AMBRA1: variants seen among roughly 807,000 people sequenced by gnomAD.
The protein encoded by AMBRA1 is autophagy and beclin 1 regulator 1.
In AMBRA1, 47 loss-of-function variants were observed where a neutral mutation model predicts 125.4. That is an observed-to-expected ratio of 0.37 (90% CI 0.30 to 0.48). The LOEUF is 0.48. Among genes scored for constraint, AMBRA1 ranks in the 20% least tolerant of loss-of-function variants. The pLI, the probability that AMBRA1 is intolerant of heterozygous loss-of-function variation, is 0.99. For missense variants in AMBRA1, 1,331 were observed against 1,693.4 expected, an observed-to-expected ratio of 0.79 and a Z score of 3.76; for synonymous variants, 626 against 655.5, an observed-to-expected ratio of 0.95 and a Z score of 0.69.
chr11:46,485,077 A>G (rs1950219711), intron 11 of AMBRA1, among the ~76,000 whole-genome samples: 1 of 152,096 alleles, frequency 6.6e-6, no homozygotes, highest in Non-Finnish European at 1.5e-5. Flanking sequence ...AGCTGGGATT[A>G]CAGGCACCTG....
intron 11 of AMBRA1, among the ~76,000 whole-genome samples, chr11:46,464,559 T>C (rs1949240674): frequency 6.6e-6 from 1 of 152,102 alleles, no homozygotes; most frequent in African/African-American, 2.4e-5. Context: ...AAATTGTGCA[T>C]GTGTTCATGA....
chr11:46,512,948 C>G, intron 7 of AMBRA1, 135 bp from the exon 8 acceptor site: 1 of 693,786 alleles, frequency 1.4e-6, no homozygotes, highest in Non-Finnish European at 2.3e-6. Context: ...GGGATCACAC[C>G]CTTCTACAAG....
chr11:46,529,039 T>G (rs1952102004), intron 7 of AMBRA1, among the ~76,000 whole-genome samples: 1 of 152,166 alleles, frequency 6.6e-6, no homozygotes, highest in Non-Finnish European at 1.5e-5. Context: ...AGCCTCTGAT[T>G]CCTTTATTAT....
chr11:46,558,584 A>T (rs990147502), intron 1 of AMBRA1, among the ~76,000 whole-genome samples: 1 of 148,756 alleles, frequency 6.7e-6, no homozygotes, highest in Non-Finnish European at 1.5e-5. Flanking sequence ...ACCACTACCT[A>T]CCTAGTATCT....
intron 7 of AMBRA1, among the ~76,000 whole-genome samples, chr11:46,526,391 G>C (rs985601194): frequency 6.6e-6 from 1 of 151,892 alleles, no homozygotes; most frequent in Non-Finnish European, 1.5e-5. Flanking sequence ...AATGCAGCAA[G>C]CTGTGCCAAT....
rs903582953 is a variant in AMBRA1, at chr11:46,429,144, T to C, written c.2976+4330A>G. 9 of 1,589,026 alleles carry C rather than the reference T, an allele frequency of 5.7e-6. No individual in the cohort carries two copies. In the African/African-American group the frequency reaches 1.1e-4, roughly 19 times the overall value. Reference sequence around the variant, plus strand: ...ATGGCAATCCGGTTCTTCTTAGGCATCAACATCTGGCAGGTCTCCGCCACG... The same window carrying C: ...ATGGCAATCCGGTTCTTCTTAGGCACCAACATCTGGCAGGTCTCCGCCACG... On this transcript the variant is annotated intron_variant, in intron 14 of 17. Transcript: ENST00000683756.
At chr11:46,575,507 CT>C (rs2043928012) in intron 1 of AMBRA1, among the ~76,000 whole-genome samples, 1 of 128,614 alleles carries the variant, frequency 7.8e-6, no homozygotes, top group South Asian at 2.5e-4. Flanking sequence ...TTGTTTTTTT[CT>C]TTCCTTTTTT....
intron 11 of AMBRA1, among the ~76,000 whole-genome samples, chr11:46,489,679 G>C (rs1020832939): frequency 1.3e-5 from 2 of 152,150 alleles, no homozygotes; most frequent in African/African-American, 4.8e-5. Context: ...AAAAGATTAT[G>C]CAGGACAGAC....
Position 46,515,062 on chromosome 11 carries a change from C to T in AMBRA1, c.2073-2249G>A, listed in dbSNP as rs189412300. Among the ~76,000 whole-genome samples the T allele has an allele frequency of 2.3e-3, 351 of 152,254 alleles. 6 individuals are homozygous for T. The highest frequency in any genetic ancestry group is 0.015 in the Admixed American group (236 of 15,296). On this transcript the variant is annotated intron_variant, in intron 7 of 17. Transcript: ENST00000683756. ...ATCCTAGAATACCTAGAAGCTTGTT[C>T]CACCCTAAAGTGCTCTGGAGTTAGT...
chr11:46,499,227 T>C (rs141000470), intron 9 of AMBRA1, among the ~76,000 whole-genome samples: 2 of 152,346 alleles, frequency 1.3e-5, no homozygotes, highest in Admixed American at 6.5e-5. Context: ...CACATTCCTA[T>C]TGTGCATTTT....
intron 15 of AMBRA1, among the ~76,000 whole-genome samples, chr11:46,412,431 TGCCTCACCAC>T (rs1400712085): frequency 6.6e-6 from 1 of 152,088 alleles, no homozygotes; most frequent in Non-Finnish European, 1.5e-5. Flanking sequence ...ACTACAGGCG[TGCCTCACCAC>T]GCCTGGCTAA....
chr11:46,443,370 T>C, intron 12 of AMBRA1, 118 bp downstream of exon 12: 1 of 732,010 alleles, frequency 1.4e-6, no homozygotes, highest in Admixed American at 2.2e-5. Flanking sequence ...AGAAATGGCA[T>C]GTAGATAACA....
chr11:46,457,876 A>G (rs1948921710), intron 11 of AMBRA1, among the ~76,000 whole-genome samples: 1 of 150,764 alleles, frequency 6.6e-6, no homozygotes, highest in African/African-American at 2.5e-5. Flanking sequence ...ACTGCACTCC[A>G]GCCTGCGTGA....
At chr11:46,557,074 T>G (rs2043177177) in intron 1 of AMBRA1, among the ~76,000 whole-genome samples, 1 of 149,038 alleles carries the variant, frequency 6.7e-6, no homozygotes. Flanking sequence ...AGGTGGAAGT[T>G]GTGGTGAGCA....
At chr11:46,449,108 T>C (rs1948450120) in intron 11 of AMBRA1, among the ~76,000 whole-genome samples, 1 of 152,174 alleles carries the variant, frequency 6.6e-6, no homozygotes, top group African/African-American at 2.4e-5. Context: ...AACTAGATAC[T>C]TTCCCCCTAA....
chr11:46,588,884 AC>A (rs148619372), intron 1 of AMBRA1, among the ~76,000 whole-genome samples: 183 of 152,230 alleles, frequency 1.2e-3, no homozygotes, highest in African/African-American at 3.9e-3. Context: ...GCTCTACTAT[AC>A]CTACTGTGTG....
At chr11:46,579,331 C>T (rs2044091148) in intron 1 of AMBRA1, among the ~76,000 whole-genome samples, 1 of 151,954 alleles carries the variant, frequency 6.6e-6, no homozygotes, top group South Asian at 2.1e-4. Context: ...GTGGTGCATG[C>T]CTGTAATCCC....
At chr11:46,588,858 T>C (rs2044496185) in intron 1 of AMBRA1, among the ~76,000 whole-genome samples, 2 of 152,132 alleles carry the variant, frequency 1.3e-5, no homozygotes, top group Admixed American at 1.3e-4. Context: ...ATTCAAAGCC[T>C]TTGATTTCAA....
intron 11 of AMBRA1, among the ~76,000 whole-genome samples, chr11:46,459,572 A>T (rs141369547): frequency 0.046 from 6,997 of 152,026 alleles, 553 homozygotes; most frequent in African/African-American, 0.16. Flanking sequence ...GTAGCTGGGC[A>T]TGGTGGCAGG....
Sources: gnomAD v4.1 joint callset for allele counts (sites outside exome capture counted in the v4.1 genomes callset) on GRCh38, gnomAD v4.1.1 for gene constraint, MANE v1.5 for transcripts, NCBI Gene and HGNC (gene_info 2026-07-23, HGNC 2026-07-21) for gene names.